GRIK2: variants seen among roughly 807,000 people sequenced by gnomAD.
GRIK2 encodes glutamate receptor ionotropic, kainate 2.
In GRIK2, 32 loss-of-function variants were observed where a neutral mutation model predicts 100.3. The ratio of observed to expected loss-of-function variants is 0.32; its 90% CI spans 0.24 to 0.43. The LOEUF is 0.43. GRIK2 is among the 20% of genes least tolerant of loss of function. The pLI is 1.00. For synonymous variants in GRIK2, 417 were observed against 389.4 expected (o/e 1.07, Z -0.83); for missense variants, 843 against 1,114.9 (o/e 0.76, Z 3.47).
At chr6:101,625,087 A>G (rs1030017273) in intron 3 of GRIK2, among the ~76,000 whole-genome samples, 5 of 151,946 alleles carry the variant, frequency 3.3e-5, no homozygotes, top group African/African-American at 1.2e-4. Context: ...AGAATTAAAA[A>G]TAATAGCCGG....
At chr6:102,022,195 A>G (rs1562118170) in intron 14 of GRIK2, among the ~76,000 whole-genome samples, 2 of 151,124 alleles carry the variant, frequency 1.3e-5, no homozygotes, top group Admixed American at 6.6e-5. Flanking sequence ...AAATTTAACA[A>G]GTAACTTATA....
chr6:101,859,217 A>T lies in GRIK2; in HGVS notation c.1318-70A>T, dbSNP rs1784602987. 3.9e-6 allele frequency: 3 copies of T among 773,476 alleles called. No homozygotes were observed. In the Admixed American group the frequency reaches 6.7e-5, roughly 17 times the overall value. 47.9% of individuals were successfully genotyped at this position (773,476 alleles called of 1,614,324 possible). ...ATGAGAAAATTTCTGTCTTCTAAGA[A>T]AAGCAATAATTCTGATGATGAGTTT... On this transcript the variant is annotated intron_variant, in intron 10 of 16. Coordinates refer to ENST00000369134, the MANE Select transcript of GRIK2 (RefSeq NM_021956.5).
chr6:101,638,656 AG>A, intron 4 of GRIK2, among the ~76,000 whole-genome samples: 1 of 152,220 alleles, frequency 6.6e-6, no homozygotes, highest in East Asian at 1.9e-4. Flanking sequence ...TAAAAACCAA[AG>A]AAGACTATTG....
intron 2 of GRIK2, among the ~76,000 whole-genome samples, chr6:101,414,244 G>A (rs1215516077): frequency 6.6e-6 from 1 of 152,140 alleles, no homozygotes; most frequent in East Asian, 1.9e-4. Context: ...TCATTCAGAA[G>A]TTTTATTCTT....
In GRIK2 at chr6:101,622,225, T is replaced by C. The variant is rs994254075; in HGVS notation, c.283+109T>C. ...ACAGTTAATAAGTTGTTAGGAATAT[T>C]TGCATGCAAAGATTTATTTTCAAAA... On this transcript the variant is annotated intron_variant, in intron 3 of 16. Coordinates refer to ENST00000369134, the MANE Select transcript of GRIK2 (RefSeq NM_021956.5). 10 of 605,984 alleles carry C rather than the reference T, an allele frequency of 1.7e-5. No individual in the cohort carries two copies. In the East Asian group the frequency reaches 1.9e-4, roughly 12 times the overall value. The allele number at this position is 605,984 out of a possible 1,614,324, so 37.5% of individuals were successfully genotyped here.
intron 12 of GRIK2, among the ~76,000 whole-genome samples, chr6:101,902,058 G>A (rs1787882927): frequency 6.6e-6 from 1 of 151,830 alleles, no homozygotes; most frequent in Non-Finnish European, 1.5e-5. Flanking sequence ...ATTGTTCAGT[G>A]ATGTGATGAT....
chr6:101,707,480 A>AAT (rs948589977), intron 7 of GRIK2, among the ~76,000 whole-genome samples: 4 of 146,102 alleles, frequency 2.7e-5, no homozygotes, highest in African/African-American at 5.0e-5. Context: ...ATAATATATA[A>AAT]ATATATATAT....
intron 9 of GRIK2, among the ~76,000 whole-genome samples, chr6:101,807,286 T>C (rs1781064905): frequency 6.6e-6 from 1 of 151,942 alleles, no homozygotes; most frequent in Non-Finnish European, 1.5e-5. Flanking sequence ...AGTCGGAAAT[T>C]GTAAGGATCC....
At chr6:101,668,208 TTTCTC>T (rs1276395302) in intron 4 of GRIK2, among the ~76,000 whole-genome samples, 14 of 152,142 alleles carry the variant, frequency 9.2e-5, no homozygotes, top group African/African-American at 2.9e-4. Context: ...TTCATTTCCT[TTTCTC>T]TTCTCTCTTA....
At chr6:101,981,132 AGAAG>A (rs1793692821) in intron 14 of GRIK2, among the ~76,000 whole-genome samples, 1 of 151,820 alleles carries the variant, frequency 6.6e-6, no homozygotes, top group Non-Finnish European at 1.5e-5. Flanking sequence ...ATGCCTGCCC[AGAAG>A]CAGACCCAAG....
intron 2 of GRIK2, 57 bp from the exon 3 acceptor site, chr6:101,621,892 T>G: frequency 8.3e-7 from 1 of 1,198,808 alleles, no homozygotes; most frequent in Non-Finnish European, 1.2e-6. Context: ...TTCTTTATCT[T>G]GTGAAAATTA....
intron 7 of GRIK2, among the ~76,000 whole-genome samples, chr6:101,774,344 A>C (rs1484808018): frequency 6.6e-6 from 1 of 152,206 alleles, no homozygotes; most frequent in Non-Finnish European, 1.5e-5. Flanking sequence ...ATATCAAGAT[A>C]ATTGGATGTA....
At chr6:101,662,959 C>T (rs897643861) in intron 4 of GRIK2, among the ~76,000 whole-genome samples, 1 of 151,952 alleles carries the variant, frequency 6.6e-6, no homozygotes, top group African/African-American at 2.4e-5. Context: ...CATGTATGTT[C>T]AATAAGCACA....
At chr6:101,503,563 C>CA (rs1160545567) in intron 2 of GRIK2, among the ~76,000 whole-genome samples, 1 of 152,014 alleles carries the variant, frequency 6.6e-6, no homozygotes, top group Admixed American at 6.6e-5. Flanking sequence ...GACAGGCTTC[C>CA]AAAAAAGCTA....
intron 7 of GRIK2, among the ~76,000 whole-genome samples, chr6:101,756,198 A>G (rs1054181637): frequency 3.3e-5 from 5 of 152,150 alleles, no homozygotes; most frequent in East Asian, 1.9e-4. Context: ...AAATTAATTA[A>G]ACTGAGGGAG....
At chr6:101,549,417 G>C (rs979966671) in intron 2 of GRIK2, among the ~76,000 whole-genome samples, 10 of 152,032 alleles carry the variant, frequency 6.6e-5, no homozygotes, top group African/African-American at 2.2e-4. Flanking sequence ...GTTCATGGTG[G>C]GCTCATTGGC....
intron 14 of GRIK2, among the ~76,000 whole-genome samples, chr6:101,930,351 A>ACAT (rs1554288359): frequency 1.7e-4 from 1 of 6,020 alleles, no homozygotes; most frequent in East Asian, 6.2e-3. Flanking sequence ...TCAAAAAAAA[A>ACAT]AAATAAAATA....
At chr6:101,773,876 C>G (rs951089790) in intron 7 of GRIK2, among the ~76,000 whole-genome samples, 5 of 152,000 alleles carry the variant, frequency 3.3e-5, no homozygotes, top group African/African-American at 4.8e-5. Flanking sequence ...GAAAATTGTA[C>G]TTTTTCAAAA....
chr6:101,922,120 C>CTTCG (rs1789580201), intron 12 of GRIK2, among the ~76,000 whole-genome samples: 1 of 15,288 alleles, frequency 6.5e-5, no homozygotes, highest in Non-Finnish European at 1.4e-4. Flanking sequence ...TCCTTCCTTC[C>CTTCG]TTCCTTCCTT....
Sources: allele counts gnomAD v4.1 joint callset (sites outside exome capture counted in the v4.1 genomes callset), GRCh38; gene constraint gnomAD v4.1.1; transcripts MANE v1.5; gene names NCBI Gene and HGNC (gene_info 2026-07-23, HGNC 2026-07-21).